The following PTPRS variants were observed in gnomAD, a reference collection of about 807,000 sequenced individuals.
PTPRS encodes the protein protein tyrosine phosphatase receptor type S.
In PTPRS, 63 loss-of-function variants were observed where a neutral mutation model predicts 215.3. The ratio of observed to expected loss-of-function variants is 0.29; its 90% CI spans 0.24 to 0.36. The LOEUF is 0.36. Among genes scored for constraint, PTPRS ranks in the 10% least tolerant of loss-of-function variants. PTPRS has a pLI of 1.00. For missense variants in PTPRS, 2,258 were observed against 2,825.8 expected (o/e 0.80, Z 4.56); for synonymous variants, 1,404 against 1,191.4 (o/e 1.18, Z -3.68).
At chr19:5,311,037 G>A (rs988395174) in intron 1 of PTPRS, among the ~76,000 whole-genome samples, 34 of 152,110 alleles carry the variant, frequency 2.2e-4, no homozygotes, top group Non-Finnish European at 4.4e-4. Context: ...ATGCCACCAC[G>A]CCCAGCTAAT....
intron 9 of PTPRS, among the ~76,000 whole-genome samples, chr19:5,251,526 C>A (rs183376423): frequency 1.5e-3 from 223 of 151,954 alleles, no homozygotes; most frequent in African/African-American, 3.7e-3. Context: ...TCACCACCCC[C>A]CCAACCTCGC....
At chr19:5,274,914 T>G (rs1030064404) in intron 2 of PTPRS, among the ~76,000 whole-genome samples, 2 of 152,006 alleles carry the variant, frequency 1.3e-5, no homozygotes, top group African/African-American at 4.8e-5. Flanking sequence ...AGCTCCAGCT[T>G]CTTGGGAGGC....
rs771623625 is a variant in PTPRS at position 5,223,151 on chromosome 19, G to C, written c.2641C>G (p.Leu881Val). 6.4e-7 allele frequency: 1 copy of C among 1,570,680 alleles called. No individual in the cohort carries two copies. The highest frequency in any genetic ancestry group is 2.4e-5 in the East Asian group (1 of 42,446). ...CGGTCCTCGGAGGGCGGGAACTCCA[G>C]GGTGGCCAGGGGCGTCGAGTCCTCA... ...GREDSTPLAT[L>V]EFPPSEDRYT... The change falls in exon 18 of 38, where the codon CTG becomes GTG. Residue 881 changes from leucine to valine, a missense_variant. By Grantham distance (32) the Leu-to-Val change is conservative. Transcript: ENST00000262963.
intron 30 of PTPRS, among the ~76,000 whole-genome samples, chr19:5,214,155 C>T (rs911955151): frequency 1.3e-5 from 2 of 152,224 alleles, no homozygotes; most frequent in Non-Finnish European, 2.9e-5. Context: ...GTTCTCCTGC[C>T]GTGGGTGGAA....
rs1174099281 is a variant in PTPRS, at chr19:5,229,537, G to C, written c.2303C>G (p.Ala768Gly). ...VHYVRMEGAE[A>G]RGPPRIKDVM... Reference sequence around the variant, plus strand: ...GTCCTTGATGCGCGGCGGCCCGCGGGCCTCGGCGCCCTCCATGCGCACGTA... The same window carrying C: ...GTCCTTGATGCGCGGCGGCCCGCGGCCCTCGGCGCCCTCCATGCGCACGTA... Residue 768 changes from alanine (A) to glycine (G), a missense_variant, in exon 15 of 38, where the codon GCC becomes GGC. Physicochemically the swap from Ala to Gly is moderately conservative, Grantham distance 60. Transcript: ENST00000262963. The C allele has an allele frequency of 1.4e-6, 2 of 1,464,308 alleles. No homozygotes were observed. The highest frequency in any genetic ancestry group is 1.5e-5 in the African/African-American group (1 of 67,462). 90.7% of individuals were successfully genotyped at this position (1,464,308 alleles called of 1,614,324 possible). A position where few individuals can be genotyped will look rare whatever the true frequency, so the allele number is the denominator to read the frequency against.
Position 5,231,328 on chromosome 19 carries a change from C to G in PTPRS, c.2137G>C (p.Val713Leu). Residue 713 changes from valine (V) to leucine (L), a missense_variant, in exon 14 of 38, where the codon GTC becomes CTC. Coordinates refer to ENST00000262963, the MANE Select transcript of PTPRS (RefSeq NM_002850.4). ...TACTTACCATCCTCGTCGGTGCGGA[C>G]GACCACGGGCGAGCTCTCGGGCCCT... Reference protein sequence around the residue: ...GPGPESSPVVVRTDEDVPSAP... With the variant: ...GPGPESSPVVLRTDEDVPSAP... 1.2e-6 allele frequency: 2 copies of G among 1,609,226 alleles called. No homozygotes were observed. The highest frequency in any genetic ancestry group is 1.7e-6 in the Non-Finnish European group (2 of 1,179,492).
chr19:5,245,319 G>A (rs1165124954), intron 10 of PTPRS, among the ~76,000 whole-genome samples: 4 of 145,958 alleles, frequency 2.7e-5, no homozygotes, highest in East Asian at 2.1e-4. Flanking sequence ...GACAGGGTCC[G>A]GCTCTGTTGC....
intron 5 of PTPRS, among the ~76,000 whole-genome samples, chr19:5,263,327 C>T (rs989091937): frequency 1.3e-5 from 2 of 152,126 alleles, no homozygotes; most frequent in Non-Finnish European, 2.9e-5. Context: ...GTCTGAGTCT[C>T]TCCAAGGAAG....
intron 2 of PTPRS, among the ~76,000 whole-genome samples, chr19:5,284,380 TAAA>T (rs2048150137): frequency 1.5e-5 from 1 of 66,356 alleles, no homozygotes. Context: ...TTAATTAAAA[TAAA>T]TAAATAAATA....
At chr19:5,260,725 G>A in intron 7 of PTPRS, 80 bp downstream of exon 7, 1 of 1,531,796 alleles carries the variant, frequency 6.5e-7, no homozygotes, top group Non-Finnish European at 9.0e-7. Context: ...GGGGCCTGGG[G>A]GCAGGCCCTG....
chr19:5,312,521 C>A (rs957756360), intron 1 of PTPRS, among the ~76,000 whole-genome samples: 1 of 151,884 alleles, frequency 6.6e-6, no homozygotes, highest in Non-Finnish European at 1.5e-5. Context: ...ATTAGCCAGG[C>A]GTGGTGGCGC....
At chr19:5,259,331 T>A (rs1184672084) in intron 7 of PTPRS, among the ~76,000 whole-genome samples, 1 of 152,152 alleles carries the variant, frequency 6.6e-6, no homozygotes, top group Non-Finnish European at 1.5e-5. Context: ...GAATGAACCT[T>A]CTCAAGAATA....
chr19:5,278,233 G>A, intron 2 of PTPRS: 1 of 361,338 alleles, frequency 2.8e-6, no homozygotes, highest in South Asian at 2.5e-5. Flanking sequence ...ATGCTTTTTT[G>A]TTTCAGACAG....
rs762468744 is a variant in PTPRS at position 5,211,646 on chromosome 19, G to A, written c.5178C>T (p.Pro1726=). Residue 1726 remains proline, a synonymous_variant, in exon 33 of 38, where the codon CCC becomes CCT. Coordinates refer to ENST00000262963, the MANE Select transcript of PTPRS (RefSeq NM_002850.4). ...PYESTRVCLQ[P]IRGVEGSDYI... ...AGTCAGAGCCCTCCACACCCCGGAT[G>A]GGTTGCAGACAGACCCGTGTGCTCT... 2 of 1,614,020 alleles carry A rather than the reference G, an allele frequency of 1.2e-6. No homozygotes were observed. Among genetic ancestry groups the A allele is most frequent in the Non-Finnish European group, 1.7e-6 (2 of 1,179,952 alleles).
chr19:5,223,230 G>A lies in PTPRS; in HGVS notation c.2562C>T (p.Pro854=), dbSNP rs556434270. 1 of 1,493,930 alleles carries A rather than the reference G, an allele frequency of 6.7e-7. No homozygotes were observed. Among genetic ancestry groups the A allele is most frequent in the East Asian group, 2.5e-5 (1 of 40,374 alleles). The allele number at this position is 1,493,930 out of a possible 1,614,324, so 92.5% of individuals were successfully genotyped here. Residue 854 remains proline, a synonymous_variant, in exon 18 of 38, where the codon CCC becomes CCT. Coordinates refer to ENST00000262963, the MANE Select transcript of PTPRS (RefSeq NM_002850.4). ...PEGSLLARWE[P]PAGTAEDQVL... The stretch of plus-strand genomic sequence containing the variant: ...CCTGGTCCTCCGCGGTGCCAGCCGG[G>A]GGCTCCCAGCGTGCCAGCAGGCTGC...
intron 22 of PTPRS, among the ~76,000 whole-genome samples, chr19:5,219,683 G>T (rs1318583741): frequency 6.6e-6 from 1 of 152,174 alleles, no homozygotes; most frequent in Non-Finnish European, 1.5e-5. Context: ...TGTACCTCCA[G>T]ACCTTTGCAC....
chr19:5,316,434 C>T (rs1280070149), intron 1 of PTPRS, among the ~76,000 whole-genome samples: 2 of 152,076 alleles, frequency 1.3e-5, no homozygotes, highest in Non-Finnish European at 2.9e-5. Context: ...GCTCTGTCAC[C>T]GAGGCTGGAG....
In PTPRS at chr19:5,241,882, C is replaced by T. The variant is rs1022486242; in HGVS notation, c.1571-1550G>A. On this transcript the variant is annotated intron_variant, in intron 11 of 37. Transcript: ENST00000262963. ...CAGAGTTTCGCTCTTGTTGCCCAGA[C>T]TGGAGTGCAGTGGCACGATCTCAGC... Among the ~76,000 whole-genome samples the T allele has an allele frequency of 4.6e-5, 7 of 152,180 alleles. No homozygotes were observed. In the East Asian group the frequency reaches 1.4e-3, roughly 29 times the overall value.
chr19:5,334,178 C>T (rs542941667), intron 1 of PTPRS, among the ~76,000 whole-genome samples: 7 of 152,230 alleles, frequency 4.6e-5, no homozygotes, highest in African/African-American at 9.6e-5. Flanking sequence ...TGAAGGGGAA[C>T]GCCCCAGTTT....
Sources: gnomAD v4.1 joint callset for allele counts (sites outside exome capture counted in the v4.1 genomes callset) on GRCh38, gnomAD v4.1.1 for gene constraint, MANE v1.5 for transcripts, NCBI Gene and HGNC (gene_info 2026-07-23, HGNC 2026-07-21) for gene names.